TNR: variants seen among roughly 807,000 people sequenced by gnomAD.
TNR encodes the protein tenascin-R.
In TNR, 45 loss-of-function variants were observed where a neutral mutation model predicts 150.4. The ratio of observed to expected loss-of-function variants is 0.30; its 90% CI spans 0.24 to 0.38. TNR has a LOEUF of 0.38. TNR is among the 10% of genes least tolerant of loss of function. The pLI is 1.00. For missense variants in TNR, 1,544 were observed against 1,759.1 expected, an observed-to-expected ratio of 0.88 and a Z score of 2.19; for synonymous variants, 687 against 678.4, an observed-to-expected ratio of 1.01 and a Z score of -0.20.
intron 8 of TNR, among the ~76,000 whole-genome samples, chr1:175,385,376 C>G (rs1043538353): frequency 5.9e-5 from 9 of 152,098 alleles, no homozygotes; most frequent in Admixed American, 1.3e-4. Context: ...TTTAAGAGTC[C>G]CAATGGCCTT....
intron 1 of TNR, among the ~76,000 whole-genome samples, chr1:175,710,057 G>A (rs544989572): frequency 9.2e-5 from 14 of 152,056 alleles, no homozygotes; most frequent in Middle Eastern, 3.4e-3. Flanking sequence ...AGTATGATTC[G>A]ACTTGCATTA....
At chr1:175,479,211 C>T (rs934781501) in intron 2 of TNR, among the ~76,000 whole-genome samples, 4 of 152,174 alleles carry the variant, frequency 2.6e-5, no homozygotes, top group Admixed American at 6.5e-5. Context: ...AAATGGTTGC[C>T]CAATTGCCCC....
intron 14 of TNR, among the ~76,000 whole-genome samples, chr1:175,359,987 C>G (rs1398549472): frequency 2.0e-5 from 3 of 152,158 alleles, no homozygotes; most frequent in Admixed American, 6.5e-5. Context: ...TCAATAACTT[C>G]TTATGTGCAG....
chr1:175,412,252 T>C (rs979626518), intron 2 of TNR, among the ~76,000 whole-genome samples: 5 of 152,134 alleles, frequency 3.3e-5, no homozygotes, highest in Admixed American at 2.0e-4. Context: ...TTAATTAGGG[T>C]CTTCATACTA....
intron 2 of TNR, among the ~76,000 whole-genome samples, chr1:175,410,383 C>G (rs758981807): frequency 2.6e-5 from 4 of 152,216 alleles, no homozygotes; most frequent in Admixed American, 2.6e-4. Context: ...CCTTGAGAAA[C>G]TCTCATTTTC....
chr1:175,364,327 C>CTTT (rs71129505), intron 12 of TNR, among the ~76,000 whole-genome samples: 7 of 142,518 alleles, frequency 4.9e-5, no homozygotes, highest in Non-Finnish European at 7.7e-5. Flanking sequence ...ATGCTATGGG[C>CTTT]TTTTTTTTTT....
chr1:175,507,513 T>C (rs1446567507), intron 2 of TNR, among the ~76,000 whole-genome samples: 2 of 152,126 alleles, frequency 1.3e-5, no homozygotes, highest in Non-Finnish European at 2.9e-5. Context: ...TTGATAGCCC[T>C]TGCTTTCTTG....
chr1:175,411,070 G>C (rs916194618), intron 2 of TNR, among the ~76,000 whole-genome samples: 2 of 152,168 alleles, frequency 1.3e-5, no homozygotes, highest in African/African-American at 4.8e-5. Flanking sequence ...ATATTTGAAG[G>C]GTTGTAAAAT....
rs112548908 is a variant in TNR, at chr1:175,697,786, C to G, written c.-165+45440G>C. Reference sequence around the variant, plus strand: ...TCAAGCCCAGCCAACCCTCCTGAGTCCCCCCACATGTCAGGCCTCATGCAA... The same window carrying G: ...TCAAGCCCAGCCAACCCTCCTGAGTGCCCCCACATGTCAGGCCTCATGCAA... On this transcript the variant is annotated intron_variant, in intron 1 of 22. Transcript: ENST00000367674. Among the ~76,000 whole-genome samples, 32 of 152,308 alleles carry G rather than the reference C, an allele frequency of 2.1e-4. No homozygotes were observed. The Middle Eastern group carries it at 0.01, about 49-fold the overall frequency.
chr1:175,386,578 G>A (rs1478371392), intron 7 of TNR, among the ~76,000 whole-genome samples: 6 of 152,264 alleles, frequency 3.9e-5, no homozygotes, highest in Non-Finnish European at 7.4e-5. Context: ...CAGGGGAAGG[G>A]CACTTGCTGG....
intron 1 of TNR, among the ~76,000 whole-genome samples, chr1:175,721,639 T>C (rs1261395561): frequency 6.6e-6 from 1 of 152,150 alleles, no homozygotes; most frequent in African/African-American, 2.4e-5. Flanking sequence ...TTTCTCTTAC[T>C]CACCATGGGC....
intron 21 of TNR, among the ~76,000 whole-genome samples, chr1:175,329,785 A>G (rs1649627290): frequency 6.6e-6 from 1 of 152,006 alleles, no homozygotes; most frequent in Admixed American, 6.6e-5. Context: ...AAGTACAATC[A>G]CTCCACTGAT....
intron 1 of TNR, among the ~76,000 whole-genome samples, chr1:175,536,245 G>T (rs191639823): frequency 2.0e-5 from 3 of 152,136 alleles, no homozygotes; most frequent in Admixed American, 2.0e-4. Context: ...TGCTTCACTA[G>T]GCTGGTTGAA....
intron 2 of TNR, among the ~76,000 whole-genome samples, chr1:175,486,203 G>C (rs542324358): frequency 1.3e-5 from 2 of 151,920 alleles, no homozygotes; most frequent in African/African-American, 4.8e-5. Context: ...TATACACGTG[G>C]CATGGTGGTT....
At position 175,440,233 on chromosome 1, in the gene TNR, G is replaced by A. The variant is rs1196778277; in HGVS notation, c.-63-33456C>T. Among the ~76,000 whole-genome samples, 11 of 152,100 alleles carry A rather than the reference G, an allele frequency of 7.2e-5. 1 individual carries two copies. The South Asian group carries it at 2.1e-3, about 29-fold the overall frequency. ...AGTTCATGTCCTTTATAGGGACATG[G>A]ATGAAGCTGGAAACCATCATTCTCA... On this transcript the variant is annotated intron_variant, in intron 2 of 22. Transcript: ENST00000367674.
intron 2 of TNR, among the ~76,000 whole-genome samples, chr1:175,450,497 G>A (rs6683279): frequency 0.14 from 20,728 of 152,212 alleles, 3,109 homozygotes; most frequent in African/African-American, 0.38. Context: ...TCTGCTCTGG[G>A]CTCCCAAAGT....
chr1:175,734,669 T>G (rs1458348277), intron 1 of TNR, among the ~76,000 whole-genome samples: 1 of 152,272 alleles, frequency 6.6e-6, no homozygotes, highest in Non-Finnish European at 1.5e-5. Flanking sequence ...GCCAGGCTTC[T>G]GACTGTTTGA....
intron 1 of TNR, among the ~76,000 whole-genome samples, chr1:175,549,111 G>T (rs1310588382): frequency 2.6e-5 from 4 of 152,218 alleles, no homozygotes; most frequent in Admixed American, 6.5e-5. Flanking sequence ...GAGTTCCATT[G>T]CTCCAGTCTG....
intron 1 of TNR, among the ~76,000 whole-genome samples, chr1:175,630,922 TC>T (rs1311390062): frequency 6.6e-6 from 1 of 152,220 alleles, no homozygotes; most frequent in Non-Finnish European, 1.5e-5. Context: ...AGACTGGTCA[TC>T]CAGCTGCTCT....
Sources: gnomAD v4.1 joint callset for allele counts (sites outside exome capture counted in the v4.1 genomes callset) on GRCh38, gnomAD v4.1.1 for gene constraint, MANE v1.5 for transcripts, NCBI Gene and HGNC (gene_info 2026-07-23, HGNC 2026-07-21) for gene names.